GABRG1: variants seen among roughly 807,000 people sequenced by gnomAD.
GABRG1 encodes the protein gamma-aminobutyric acid type A receptor subunit gamma1.
GABRG1 carries 49 observed loss-of-function variants against 49.8 expected under a neutral mutation model. That is an observed-to-expected ratio of 0.98 (90% CI 0.78 to 1.25). The LOEUF (loss-of-function observed/expected upper bound fraction) is 1.25. GABRG1 is among the 50% of genes most tolerant of loss of function. The pLI is 0.00. For synonymous variants in GABRG1, 232 were observed against 185.1 expected (o/e 1.25, Z -2.06); for missense variants, 552 against 552.3 (o/e 1.00, Z 0.01).
At chr4:46,073,518 C>A (rs1719217083) in intron 3 of GABRG1, among the ~76,000 whole-genome samples, 1 of 151,972 alleles carries the variant, frequency 6.6e-6, no homozygotes, top group Non-Finnish European at 1.5e-5. Flanking sequence ...ACTTTCATGG[C>A]ATTTGTATCT....
chr4:46,047,969 A>C lies in GABRG1; in HGVS notation c.1131+3455T>G, dbSNP rs192903964. On this transcript the variant is annotated intron_variant, in intron 8 of 8. Transcript: ENST00000295452. Reference sequence around the variant, plus strand: ...ATTTCTATAATTTCACATCTTAATAAAATCAGGAAACTAAAAATAAGTAAG... The same window carrying C: ...ATTTCTATAATTTCACATCTTAATACAATCAGGAAACTAAAAATAAGTAAG... Among the ~76,000 whole-genome samples, 825 of 152,186 alleles carry C rather than the reference A, an allele frequency of 5.4e-3. 6 individuals carry two copies. The highest frequency in any genetic ancestry group is 9.2e-3 in the Non-Finnish European group (622 of 67,978).
At chr4:46,099,325 G>T (rs1241250712) in intron 1 of GABRG1, among the ~76,000 whole-genome samples, 1 of 151,528 alleles carries the variant, frequency 6.6e-6, no homozygotes, top group African/African-American at 2.4e-5. Context: ...CATCTCTCTT[G>T]TCCTTCTGCC....
chr4:46,097,309 C>T lies in GABRG1; in HGVS notation c.145G>A (p.Val49Met). Residue 49 changes from valine to methionine, a missense_variant, in exon 2 of 9, where the codon GTG becomes ATG. Transcript: ENST00000295452. ...GGGGCCAAGACCCAGGTTTTGTTCA[C>T]CGTTAAATCCTCATCATCTTCATCA... ...ADDEDDEDLT[V>M]NKTWVLAPKI... 1.2e-6 allele frequency: 2 copies of T among 1,609,732 alleles called. No homozygotes were observed. The highest frequency in any genetic ancestry group is 1.7e-6 in the Non-Finnish European group (2 of 1,177,558).
intron 2 of GABRG1, among the ~76,000 whole-genome samples, chr4:46,090,086 T>C (rs775028885): frequency 3.3e-5 from 5 of 152,100 alleles, no homozygotes; most frequent in Non-Finnish European, 1.5e-5. Context: ...GTTGGTTTTA[T>C]AAGTTTTCAT....
At chr4:46,041,533 G>T (rs1263583661) in intron 8 of GABRG1, among the ~76,000 whole-genome samples, 2 of 151,416 alleles carry the variant, frequency 1.3e-5, no homozygotes, top group Admixed American at 6.6e-5. Context: ...ATTTACCATG[G>T]ATCTAATTCT....
chr4:46,041,169 C>A lies in GABRG1; in HGVS notation c.1217G>T (p.Cys406Phe). 2 of 1,613,056 alleles carry A rather than the reference C, an allele frequency of 1.2e-6. No homozygotes were observed. Among genetic ancestry groups the A allele is most frequent in the African/African-American group, 1.3e-5 (1 of 74,966 alleles). ...GCTGGCACAATCTTTGCCCTCCAAA[C>A]ACTGATACCCATAATCATCTTCTTG... ...VPQEDDYGYQ[C>F]LEGKDCASFF... is the part of the protein sequence containing the mutation. Residue 406 changes from cysteine (C) to phenylalanine (F), a missense_variant, in exon 9 of 9, where the codon TGT becomes TTT. Transcript: ENST00000295452.
intron 1 of GABRG1, among the ~76,000 whole-genome samples, chr4:46,117,829 T>G (rs530664935): frequency 2.6e-5 from 3 of 113,624 alleles, no homozygotes; most frequent in African/African-American, 1.2e-4. Flanking sequence ...TATATACATA[T>G]ATACATATGT....
intron 3 of GABRG1, among the ~76,000 whole-genome samples, chr4:46,072,358 C>A (rs1379090964): frequency 6.6e-6 from 1 of 151,994 alleles, no homozygotes; most frequent in Non-Finnish European, 1.5e-5. Context: ...ATTTGGGCAC[C>A]ATAGCCTGGC....
At chr4:46,090,948 A>G (rs958775464) in intron 2 of GABRG1, among the ~76,000 whole-genome samples, 2 of 129,450 alleles carry the variant, frequency 1.5e-5, no homozygotes, top group Admixed American at 8.0e-5. Flanking sequence ...ACACACACAC[A>G]CACACATACA....
intron 7 of GABRG1, among the ~76,000 whole-genome samples, chr4:46,053,750 T>A (rs1436499548): frequency 6.6e-6 from 1 of 152,050 alleles, no homozygotes; most frequent in Non-Finnish European, 1.5e-5. Flanking sequence ...TACTTTCTTT[T>A]TTAATAAGGC....
intron 1 of GABRG1, among the ~76,000 whole-genome samples, chr4:46,120,964 A>C: frequency 6.6e-6 from 1 of 151,840 alleles, no homozygotes; most frequent in East Asian, 1.9e-4. Context: ...AGTTAAATCA[A>C]GCTGAAGAGA....
intron 1 of GABRG1, among the ~76,000 whole-genome samples, chr4:46,118,081 T>G (rs952083511): frequency 9.8e-5 from 14 of 142,510 alleles, no homozygotes; most frequent in South Asian, 4.2e-4. Flanking sequence ...TGTGTATATA[T>G]ATACATATGT....
intron 2 of GABRG1, among the ~76,000 whole-genome samples, chr4:46,093,506 A>T (rs146386803): frequency 1.0e-3 from 159 of 152,166 alleles, no homozygotes; most frequent in African/African-American, 3.7e-3. Flanking sequence ...AGTCAGATAC[A>T]ATAAATAATA....
intron 1 of GABRG1, among the ~76,000 whole-genome samples, chr4:46,101,325 T>A (rs945116653): frequency 1.2e-4 from 18 of 151,620 alleles, no homozygotes; most frequent in African/African-American, 4.4e-4. Flanking sequence ...CATATACCTT[T>A]ATTGAATAAT....
chr4:46,086,680 C>T (rs13125334), intron 2 of GABRG1, among the ~76,000 whole-genome samples: 8,953 of 151,382 alleles, frequency 0.059, 455 homozygotes, highest in African/African-American at 0.13. Flanking sequence ...ATAAATTTTA[C>T]TTCAAATTTA....
chr4:46,118,953 T>A (rs1721015566), intron 1 of GABRG1, among the ~76,000 whole-genome samples: 1 of 151,438 alleles, frequency 6.6e-6, no homozygotes, highest in Admixed American at 6.6e-5. Context: ...ATATAATTTC[T>A]ACTACTTGGT....
chr4:46,069,978 G>A (rs1719056606), intron 3 of GABRG1, among the ~76,000 whole-genome samples: 1 of 151,948 alleles, frequency 6.6e-6, no homozygotes, highest in African/African-American at 2.4e-5. Flanking sequence ...AAATGGTGGA[G>A]GGAAGGGAGA....
chr4:46,087,695 C>T (rs942012005), intron 2 of GABRG1, among the ~76,000 whole-genome samples: 4 of 151,852 alleles, frequency 2.6e-5, no homozygotes, highest in Admixed American at 2.6e-4. Flanking sequence ...CACATATAGA[C>T]TTTGAAATAA....
chr4:46,047,603 T>A (rs950509083), intron 8 of GABRG1, among the ~76,000 whole-genome samples: 2 of 152,086 alleles, frequency 1.3e-5, no homozygotes, highest in African/African-American at 4.8e-5. Context: ...GTGATACCTG[T>A]CTGTTTCCAC....
Sources: allele counts gnomAD v4.1 joint callset (sites outside exome capture counted in the v4.1 genomes callset), GRCh38; gene constraint gnomAD v4.1.1; transcripts MANE v1.5; gene names NCBI Gene and HGNC (gene_info 2026-07-23, HGNC 2026-07-21).